Variants in GPR89B observed in about 807,000 individuals in gnomAD.
The protein encoded by GPR89B is golgi pH regulator B.
GPR89B carries 25 observed loss-of-function variants against 52.4 expected under a neutral mutation model. The observed-to-expected ratio is 0.48, with a 90% CI of 0.35 to 0.67. The LOEUF (loss-of-function observed/expected upper bound fraction) is 0.67. GPR89B is among the 30% of genes least tolerant of loss of function. The pLI is 0.01. For missense variants in GPR89B, 146 were observed against 450.2 expected, an observed-to-expected ratio of 0.32 and a Z score of 6.11; for synonymous variants, 52 against 151.2, an observed-to-expected ratio of 0.34 and a Z score of 4.81.
the GPR89B span, chr1:148,009,461 C>G: frequency 2.5e-6 from 4 of 1,602,432 alleles, no homozygotes; most frequent in Non-Finnish European, 2.6e-6. Flanking sequence ...TATTATCACT[C>G]AAACCTTGCT....
intron 7 of GPR89B, among the ~76,000 whole-genome samples, chr1:147,966,210 G>A (rs1484881039): frequency 6.6e-6 from 1 of 151,874 alleles, no homozygotes; most frequent in Non-Finnish European, 1.5e-5. Flanking sequence ...TATGTATAGC[G>A]CCTTGTAGTT....
intron 8 of GPR89B, 117 bp from the exon 9 acceptor site, chr1:147,968,758 T>C: frequency 6.5e-7 from 1 of 1,534,850 alleles, no homozygotes; most frequent in Non-Finnish European, 9.0e-7. Flanking sequence ...AACAGGAAAT[T>C]GAGAATATAG....
chr1:147,994,379 T>C (rs1659263868), downstream of GPR89B: 6 of 1,374,790 alleles, frequency 4.4e-6, no homozygotes, highest in African/African-American at 2.9e-5. Context: ...ACAAAGAATT[T>C]ACAAATGGTA....
the GPR89B span, among the ~76,000 whole-genome samples, chr1:148,003,375 G>A: frequency 6.6e-6 from 1 of 151,960 alleles, no homozygotes. Flanking sequence ...TGCTATACTG[G>A]CTCACACCGG....
At chr1:147,936,385 C>T (rs1193650703) in intron 1 of GPR89B, among the ~76,000 whole-genome samples, 2 of 152,162 alleles carry the variant, frequency 1.3e-5, no homozygotes, top group Non-Finnish European at 2.9e-5. Flanking sequence ...AAAATATGTA[C>T]TTCCATTTTT....
intron 5 of GPR89B, among the ~76,000 whole-genome samples, chr1:147,950,300 G>A (rs1309589656): frequency 1.3e-5 from 2 of 151,534 alleles, no homozygotes; most frequent in Non-Finnish European, 2.9e-5. Context: ...CAGACGGGGC[G>A]GCGGGGCAGA....
chr1:147,950,944 C>T (rs781805938), intron 5 of GPR89B, among the ~76,000 whole-genome samples: 3 of 150,814 alleles, frequency 2.0e-5, no homozygotes, highest in East Asian at 4.0e-4. Context: ...AGAGGGAGAC[C>T]GTGGGGAGAG....
intron 2 of GPR89B, among the ~76,000 whole-genome samples, chr1:147,938,334 G>A (rs1458218567): frequency 1.3e-5 from 2 of 151,130 alleles, no homozygotes; most frequent in Middle Eastern, 3.2e-3. Context: ...AAGACCTCCC[G>A]AGGAAGGTTC....
chr1:148,007,321 T>C, the GPR89B span, among the ~76,000 whole-genome samples: 2 of 152,284 alleles, frequency 1.3e-5, no homozygotes, highest in East Asian at 3.9e-4. Flanking sequence ...AAGATCCGCC[T>C]GCCTCGGCCT....
intron 7 of GPR89B, among the ~76,000 whole-genome samples, chr1:147,956,977 G>C (rs1220668611): frequency 6.6e-6 from 1 of 151,870 alleles, no homozygotes; most frequent in Non-Finnish European, 1.5e-5. Flanking sequence ...GACCTCAAGT[G>C]ATCTGCCCAC....
Position 147,992,495 on chromosome 1 carries a change from T to A in GPR89B, c.1096-7T>A. The A allele has an allele frequency of 1.2e-6, 2 of 1,611,502 alleles. No individual in the cohort carries two copies. The highest frequency in any genetic ancestry group is 1.7e-6 in the Non-Finnish European group (2 of 1,179,550). On this transcript the variant is annotated splice_region_variant and splice_polypyrimidine_tract_variant and intron_variant, in intron 12 of 13. Transcript: ENST00000314163. ...CTGCATAAATTTATCTCCCTCTTTC[T>A]TGACAGTTCTTTTATGCCATCTCTA...
chr1:148,012,709 A>G, the GPR89B span, among the ~76,000 whole-genome samples: 1 of 152,036 alleles, frequency 6.6e-6, no homozygotes, highest in Non-Finnish European at 1.5e-5. Context: ...ATATTCCACA[A>G]TATTCCAGGA....
intron 12 of GPR89B, among the ~76,000 whole-genome samples, chr1:147,989,698 T>C (rs1571322846): frequency 1.3e-5 from 2 of 152,152 alleles, no homozygotes; most frequent in Non-Finnish European, 1.5e-5. Context: ...TTTTTGTCCT[T>C]GCGATAGTTT....
the GPR89B span, among the ~76,000 whole-genome samples, chr1:148,005,865 T>C: frequency 6.6e-6 from 1 of 151,970 alleles, no homozygotes; most frequent in Non-Finnish European, 1.5e-5. Flanking sequence ...CCCTGATAAA[T>C]TCCAATGTAC....
chr1:147,981,954 G>A lies in GPR89B; in HGVS notation c.910-4245G>A, dbSNP rs1314405628. Reference sequence around the variant, plus strand: ...TCCGTGAGCCACCATGCCCGGCCTCGTGTATAAGTTTTTATGTGAGTATAT... The same window carrying A: ...TCCGTGAGCCACCATGCCCGGCCTCATGTATAAGTTTTTATGTGAGTATAT... On this transcript the variant is annotated intron_variant, in intron 10 of 13. Coordinates refer to ENST00000314163, the MANE Select transcript of GPR89B (RefSeq NM_016334.5). Among the ~76,000 whole-genome samples the A allele has an allele frequency of 6.6e-5, 10 of 151,736 alleles. 1 individual carries two copies. Among genetic ancestry groups the A allele is most frequent in the African/African-American group, 9.7e-5 (4 of 41,152 alleles).
At chr1:147,969,805 C>G (rs1487314721) in intron 9 of GPR89B, 62 bp from the exon 10 acceptor site, 1 of 1,497,594 alleles carries the variant, frequency 6.7e-7, no homozygotes, top group Admixed American at 2.4e-5. Flanking sequence ...GGGAAGAATA[C>G]TTGTGTTGAA....
the GPR89B span, among the ~76,000 whole-genome samples, chr1:147,999,767 C>T: frequency 8.6e-5 from 13 of 151,434 alleles, no homozygotes; most frequent in Admixed American, 2.6e-4. Flanking sequence ...TTCTTGAAAC[C>T]GGACACAATA....
chr1:148,006,868 C>T, the GPR89B span, among the ~76,000 whole-genome samples: 1 of 151,668 alleles, frequency 6.6e-6, no homozygotes, highest in Non-Finnish European at 1.5e-5. Context: ...AGGCGCCTGC[C>T]ACCGCGCCTG....
chr1:147,979,963 G>A (rs1299498981), intron 10 of GPR89B, among the ~76,000 whole-genome samples: 1 of 151,396 alleles, frequency 6.6e-6, no homozygotes, highest in Non-Finnish European at 1.5e-5. Context: ...TGGCATGCCT[G>A]TGTTCCCAGC....
Sources: gnomAD v4.1 joint callset for allele counts (sites outside exome capture counted in the v4.1 genomes callset) on GRCh38, gnomAD v4.1.1 for gene constraint, MANE v1.5 for transcripts, NCBI Gene and HGNC (gene_info 2026-07-23, HGNC 2026-07-21) for gene names.